The following MARCHF1 variants were observed in gnomAD, a reference collection of about 807,000 sequenced individuals.
MARCHF1 encodes the protein E3 ubiquitin-protein ligase MARCHF1.
A neutral mutation model predicts 54.2 loss-of-function variants in MARCHF1; 40 were observed. The ratio of observed to expected loss-of-function variants is 0.74; its 90% CI spans 0.57 to 0.96. The LOEUF (loss-of-function observed/expected upper bound fraction) is 0.96, where lower values mean the gene tolerates loss of function less well. Ranked by LOEUF, MARCHF1 falls within the 40% of genes least tolerant of loss-of-function variation. The pLI is 0.00. For synonymous variants in MARCHF1, 236 were observed against 236.3 expected (o/e 1.00, Z 0.01); for missense variants, 586 against 656.5 (o/e 0.89, Z 1.17).
intron 8 of MARCHF1, among the ~76,000 whole-genome samples, chr4:163,579,709 A>AT (rs1194876377): frequency 5.3e-5 from 8 of 151,794 alleles, no homozygotes; most frequent in Non-Finnish European, 7.4e-5. Context: ...GTGAGTATGA[A>AT]TTTTTTTTTG....
chr4:163,988,732 G>A (rs570014236), intron 2 of MARCHF1, 23 bp from the exon 3 acceptor site: 1 of 152,296 alleles, frequency 6.6e-6, no homozygotes, highest in East Asian at 1.9e-4. Flanking sequence ...GGGAAAAATA[G>A]TGTTTGAGAC....
intron 4 of MARCHF1, among the ~76,000 whole-genome samples, chr4:163,713,386 G>T (rs1006545297): frequency 4.6e-5 from 7 of 152,138 alleles, no homozygotes; most frequent in Non-Finnish European, 4.4e-5. Flanking sequence ...TATACCACTT[G>T]TGGTGCAATC....
intron 3 of MARCHF1, among the ~76,000 whole-genome samples, chr4:163,891,228 G>C (rs937523604): frequency 6.6e-6 from 1 of 151,836 alleles, no homozygotes; most frequent in Non-Finnish European, 1.5e-5. Flanking sequence ...ACTCTGAGAA[G>C]GTGAGTAATT....
chr4:163,788,796 G>A (rs571206946), intron 4 of MARCHF1, among the ~76,000 whole-genome samples: 2 of 152,116 alleles, frequency 1.3e-5, no homozygotes, highest in East Asian at 3.9e-4. Context: ...TGTTAGAAGT[G>A]AGCCACTAAA....
At chr4:163,996,274 C>T (rs1753074893) in intron 2 of MARCHF1, among the ~76,000 whole-genome samples, 2 of 151,778 alleles carry the variant, frequency 1.3e-5, no homozygotes, top group African/African-American at 4.8e-5. Flanking sequence ...GTGGAAAGTG[C>T]TAGAAGAAAT....
Position 163,870,721 on chromosome 4 carries a change from G to C in MARCHF1, c.-38-16552C>G, listed in dbSNP as rs1750150888. Among the ~76,000 whole-genome samples the C allele has an allele frequency of 2.6e-5, 4 of 152,080 alleles. No homozygotes were observed. In the South Asian group the frequency reaches 8.3e-4, roughly 31 times the overall value. On this transcript the variant is annotated intron_variant, in intron 3 of 9. Transcript: ENST00000514618. Reference sequence around the variant, plus strand: ...GAGCCTGGAGGACATTATGTTAAGTGAAATAAGCCAGCACGGAAAGACAAA... The same window carrying C: ...GAGCCTGGAGGACATTATGTTAAGTCAAATAAGCCAGCACGGAAAGACAAA...
intron 3 of MARCHF1, among the ~76,000 whole-genome samples, chr4:163,973,784 G>A (rs564693414): frequency 2.0e-5 from 3 of 152,198 alleles, no homozygotes; most frequent in Non-Finnish European, 4.4e-5. Flanking sequence ...ACAAAGTCAT[G>A]TCCCTCTTGT....
intron 8 of MARCHF1, among the ~76,000 whole-genome samples, chr4:163,572,361 T>C (rs546992412): frequency 2.0e-5 from 3 of 151,822 alleles, no homozygotes; most frequent in Middle Eastern, 3.4e-3. Flanking sequence ...CACTTGCTTT[T>C]CACAAAATCA....
chr4:163,727,932 C>T, intron 4 of MARCHF1, among the ~76,000 whole-genome samples: 1 of 152,020 alleles, frequency 6.6e-6, no homozygotes. Flanking sequence ...AGTGATCCTC[C>T]CTCCTGGGCC....
At chr4:164,236,677 C>A (rs1732572842) in intron 1 of MARCHF1, among the ~76,000 whole-genome samples, 1 of 152,100 alleles carries the variant, frequency 6.6e-6, no homozygotes, top group African/African-American at 2.4e-5. Context: ...AATGACCACA[C>A]AAGTGCCAAG....
chr4:164,380,356 C>T (rs1157817106), intron 1 of MARCHF1, among the ~76,000 whole-genome samples: 1 of 152,142 alleles, frequency 6.6e-6, no homozygotes, highest in Non-Finnish European at 1.5e-5. Context: ...CATTTTTGTA[C>T]ACTAGTTCAT....
intron 3 of MARCHF1, among the ~76,000 whole-genome samples, chr4:163,957,529 G>C (rs2110800568): frequency 6.6e-6 from 1 of 152,098 alleles, no homozygotes; most frequent in South Asian, 2.1e-4. Context: ...CCCCAAAAAA[G>C]TAATGAAGAA....
At chr4:164,136,930 C>A (rs1410410373) in intron 1 of MARCHF1, among the ~76,000 whole-genome samples, 1 of 152,130 alleles carries the variant, frequency 6.6e-6, no homozygotes, top group Middle Eastern at 3.2e-3. Context: ...AAAAAAATTA[C>A]ACCATTTCAA....
chr4:164,067,777 A>G (rs1459299952), intron 2 of MARCHF1, among the ~76,000 whole-genome samples: 1 of 152,204 alleles, frequency 6.6e-6, no homozygotes, highest in African/African-American at 2.4e-5. Context: ...GAAACTATCA[A>G]TAGACAGTCT....
intron 1 of MARCHF1, among the ~76,000 whole-genome samples, chr4:164,246,768 A>G (rs968273446): frequency 5.0e-5 from 6 of 120,680 alleles, no homozygotes; most frequent in Admixed American, 9.4e-5. Context: ...CAAGAAAAAA[A>G]CAAACAACCC....
intron 7 of MARCHF1, among the ~76,000 whole-genome samples, chr4:163,589,091 A>T (rs2110838338): frequency 6.7e-6 from 1 of 149,348 alleles, no homozygotes; most frequent in African/African-American, 2.5e-5. Context: ...AAAAAACTGC[A>T]GGTAATGCTA....
chr4:163,694,567 T>C (rs1744562368), intron 5 of MARCHF1, among the ~76,000 whole-genome samples: 1 of 152,132 alleles, frequency 6.6e-6, no homozygotes, highest in Admixed American at 6.6e-5. Context: ...GGGCTGCCTT[T>C]CTTACTCCTT....
chr4:163,778,722 T>C (rs1280275234), intron 4 of MARCHF1, among the ~76,000 whole-genome samples: 1 of 152,146 alleles, frequency 6.6e-6, no homozygotes, highest in Non-Finnish European at 1.5e-5. Context: ...TAGGAGGCCA[T>C]TATCTTAAGC....
intron 7 of MARCHF1, among the ~76,000 whole-genome samples, chr4:163,593,441 G>A (rs1740656435): frequency 1.3e-5 from 2 of 152,100 alleles, no homozygotes; most frequent in African/African-American, 4.8e-5. Flanking sequence ...AAATATATAT[G>A]GTCAGATACA....
Sources: gnomAD v4.1 joint callset for allele counts (sites outside exome capture counted in the v4.1 genomes callset) on GRCh38, gnomAD v4.1.1 for gene constraint, MANE v1.5 for transcripts, NCBI Gene and HGNC (gene_info 2026-07-23, HGNC 2026-07-21) for gene names.